The following SV2C variants were observed in gnomAD, a reference collection of about 807,000 sequenced individuals.
The protein encoded by SV2C is synaptic vesicle glycoprotein 2C.
A neutral mutation model predicts 79.7 loss-of-function variants in SV2C; 49 were observed. The ratio of observed to expected loss-of-function variants is 0.61; its 90% confidence interval spans 0.49 to 0.78. The LOEUF (loss-of-function observed/expected upper bound fraction) is 0.78. SV2C is among the 30% of genes least tolerant of loss of function. The pLI is 0.00. For missense variants in SV2C, 833 were observed against 912.9 expected, an observed-to-expected ratio of 0.91 and a Z score of 1.13; for synonymous variants, 334 against 333.2, an observed-to-expected ratio of 1.00 and a Z score of -0.03.
At chr5:76,077,241 A>G in the SV2C span, among the ~76,000 whole-genome samples, 10 of 152,154 alleles carry the variant, frequency 6.6e-5, no homozygotes, top group Non-Finnish European at 1.2e-4. Flanking sequence ...CAGGAAATAC[A>G]GGGAGCAGCA....
chr5:76,273,119 AT>A (rs1489332643), intron 4 of SV2C, among the ~76,000 whole-genome samples: 19 of 148,660 alleles, frequency 1.3e-4, no homozygotes, highest in African/African-American at 1.7e-4. Context: ...TTTAGTATAA[AT>A]TTGCATAAAA....
the SV2C span, among the ~76,000 whole-genome samples, chr5:75,952,690 A>G: frequency 1.3e-5 from 2 of 151,674 alleles, no homozygotes; most frequent in Non-Finnish European, 2.9e-5. Context: ...ATCTTCCACC[A>G]TGGGTAAATG....
chr5:75,900,451 T>C, the SV2C span, among the ~76,000 whole-genome samples: 1 of 152,236 alleles, frequency 6.6e-6, no homozygotes, highest in African/African-American at 2.4e-5. Flanking sequence ...TCTGATGGGC[T>C]TCCCTTTGTG....
intron 2 of SV2C, 75 bp from the exon 3 acceptor site, chr5:76,194,844 C>T: frequency 6.5e-7 from 1 of 1,531,688 alleles, no homozygotes; most frequent in Non-Finnish European, 8.9e-7. Context: ...GTATTTTGTT[C>T]CTTGTTCACT....
At chr5:76,319,227 A>G (rs1267470218) in intron 12 of SV2C, among the ~76,000 whole-genome samples, 1 of 149,094 alleles carries the variant, frequency 6.7e-6, no homozygotes, top group Non-Finnish European at 1.5e-5. Context: ...CCTGGGCAAC[A>G]TGGTGAAACC....
the SV2C span, among the ~76,000 whole-genome samples, chr5:75,897,122 T>G: frequency 4.0e-5 from 6 of 149,762 alleles, no homozygotes; most frequent in Non-Finnish European, 7.4e-5. Flanking sequence ...CTTTTGGTGT[T>G]TTAGACATGA....
At chr5:75,885,754 C>T in the SV2C span, among the ~76,000 whole-genome samples, 2 of 151,990 alleles carry the variant, frequency 1.3e-5, no homozygotes, top group African/African-American at 4.8e-5. Context: ...GTGTCTTCTG[C>T]TGGCATCTAT....
the SV2C span, among the ~76,000 whole-genome samples, chr5:75,906,457 T>C: frequency 1.3e-5 from 2 of 151,354 alleles, no homozygotes; most frequent in Non-Finnish European, 2.9e-5. Context: ...TTCCTAATCA[T>C]GGACATTTTT....
chr5:75,944,597 C>T, the SV2C span, among the ~76,000 whole-genome samples: 2 of 152,060 alleles, frequency 1.3e-5, no homozygotes, highest in African/African-American at 2.4e-5. Context: ...TGATTAACAA[C>T]CTATAGTGGA....
chr5:75,866,772 G>A, the SV2C span, among the ~76,000 whole-genome samples: 1 of 152,168 alleles, frequency 6.6e-6, no homozygotes, highest in African/African-American at 2.4e-5. Flanking sequence ...AAGCAGTAAG[G>A]CTCCAAGATA....
chr5:76,260,521 C>T (rs1005569728), intron 4 of SV2C, among the ~76,000 whole-genome samples: 1 of 152,110 alleles, frequency 6.6e-6, no homozygotes, highest in African/African-American at 2.4e-5. Flanking sequence ...TATGCCCATG[C>T]CTATGTACTG....
the SV2C span, among the ~76,000 whole-genome samples, chr5:75,968,353 A>G: frequency 6.6e-6 from 1 of 152,230 alleles, no homozygotes; most frequent in East Asian, 1.9e-4. Flanking sequence ...TGAGAGAAGA[A>G]GGCTTCCAAA....
chr5:76,253,421 T>C (rs1242614671), intron 4 of SV2C, among the ~76,000 whole-genome samples: 2 of 152,070 alleles, frequency 1.3e-5, no homozygotes, highest in African/African-American at 4.8e-5. Flanking sequence ...TCAAAACTAG[T>C]CTGTGGGGTT....
the SV2C span, among the ~76,000 whole-genome samples, chr5:76,005,727 TG>T: frequency 6.6e-6 from 1 of 152,168 alleles, no homozygotes; most frequent in African/African-American, 2.4e-5. Context: ...AAGCATTAGC[TG>T]ACAAATGAAA....
the SV2C span, among the ~76,000 whole-genome samples, chr5:75,975,897 G>C: frequency 6.6e-6 from 1 of 152,164 alleles, no homozygotes; most frequent in Non-Finnish European, 1.5e-5. Context: ...TAGGCAAAGA[G>C]AGAAGAAGCA....
intron 4 of SV2C, among the ~76,000 whole-genome samples, chr5:76,261,815 C>T (rs191906434): frequency 6.6e-6 from 1 of 152,136 alleles, no homozygotes; most frequent in Admixed American, 6.5e-5. Flanking sequence ...GATGGATAAG[C>T]CTTTTCATGT....
At chr5:76,034,734 C>T in the SV2C span, among the ~76,000 whole-genome samples, 2 of 152,082 alleles carry the variant, frequency 1.3e-5, no homozygotes, top group African/African-American at 4.8e-5. Flanking sequence ...TCTCTGCCTG[C>T]CTTTGGTATC....
chr5:75,985,899 C>T, the SV2C span, among the ~76,000 whole-genome samples: 5 of 151,402 alleles, frequency 3.3e-5, no homozygotes, highest in Admixed American at 1.3e-4. Context: ...TTTGGAAACA[C>T]CTTTTCAATC....
chr5:75,903,575 A>C, the SV2C span, among the ~76,000 whole-genome samples: 5 of 152,124 alleles, frequency 3.3e-5, no homozygotes, highest in South Asian at 4.1e-4. Flanking sequence ...CTGAAGCCTA[A>C]CTGTATTAAA....
Sources: allele counts gnomAD v4.1 joint callset (sites outside exome capture counted in the v4.1 genomes callset), GRCh38; gene constraint gnomAD v4.1.1; transcripts MANE v1.5; gene names NCBI Gene and HGNC (gene_info 2026-07-23, HGNC 2026-07-21).